FGFR1: variants seen among roughly 807,000 people sequenced by gnomAD.
FGFR1 encodes the protein fibroblast growth factor receptor 1.
Under a neutral mutation model 93.7 loss-of-function variants are expected in FGFR1, and 18 were observed. The ratio of observed to expected loss-of-function variants is 0.19; its 90% confidence interval spans 0.13 to 0.28. The LOEUF (loss-of-function observed/expected upper bound fraction) is 0.28. Among genes scored for constraint, FGFR1 ranks in the 10% least tolerant of loss-of-function variants. The pLI is 1.00. For synonymous variants in FGFR1, 448 were observed against 429.3 expected (o/e 1.04, Z -0.54); for missense variants, 731 against 1,080.4 (o/e 0.68, Z 4.53).
intron 12 of FGFR1, among the ~76,000 whole-genome samples, chr8:38,416,455 T>A (rs1586146932): frequency 7.2e-6 from 1 of 138,008 alleles, no homozygotes; most frequent in Non-Finnish European, 1.6e-5. Flanking sequence ...CTAATTTTTT[T>A]TTTTTTTTTT....
chr8:38,461,109 C>T (rs1834295905), intron 1 of FGFR1: 2 of 1,536,110 alleles, frequency 1.3e-6, no homozygotes. Flanking sequence ...GCCTCCATCA[C>T]AGGTGGTTAT....
At chr8:38,420,935 G>A (rs1004922716) in intron 8 of FGFR1, among the ~76,000 whole-genome samples, 6 of 152,160 alleles carry the variant, frequency 3.9e-5, no homozygotes, top group African/African-American at 1.4e-4. Context: ...TGGGGAGCAC[G>A]GACAGGACCA....
chr8:38,465,537 G>C (rs1225267068), intron 1 of FGFR1: 2 of 229,544 alleles, frequency 8.7e-6, no homozygotes, highest in African/African-American at 4.4e-5. Context: ...TGCACTCGGA[G>C]GGTCGGGGCA....
At chr8:38,453,476 G>A (rs900948564) in intron 2 of FGFR1, among the ~76,000 whole-genome samples, 2 of 152,204 alleles carry the variant, frequency 1.3e-5, no homozygotes, top group Non-Finnish European at 2.9e-5. Flanking sequence ...ACTTCCCCAA[G>A]AGCCAACAGT....
intron 2 of FGFR1, among the ~76,000 whole-genome samples, chr8:38,432,918 C>T (rs2915664): frequency 1.4e-5 from 2 of 140,812 alleles, no homozygotes; most frequent in Non-Finnish European, 3.2e-5. Context: ...GCCCCCCCCC[C>T]TCCCCAGTTG....
At chr8:38,462,730 A>G (rs547578973) in intron 1 of FGFR1, among the ~76,000 whole-genome samples, 7 of 151,502 alleles carry the variant, frequency 4.6e-5, no homozygotes, top group African/African-American at 1.7e-4. Context: ...CTGCCTCCCA[A>G]GTAGCTGGGA....
intron 2 of FGFR1, chr8:38,440,411 T>C: frequency 6.5e-7 from 1 of 1,531,468 alleles, no homozygotes; most frequent in South Asian, 1.2e-5. Flanking sequence ...CAAAAATGTG[T>C]TTCTCTCAAC....
At chr8:38,441,844 A>G (rs1032443403) in intron 2 of FGFR1, among the ~76,000 whole-genome samples, 1 of 152,136 alleles carries the variant, frequency 6.6e-6, no homozygotes, top group Non-Finnish European at 1.5e-5. Context: ...GTCAATTAAC[A>G]TTTCCTGAAC....
chr8:38,436,943 T>C (rs895527575), intron 2 of FGFR1, among the ~76,000 whole-genome samples: 23 of 152,186 alleles, frequency 1.5e-4, no homozygotes, highest in African/African-American at 5.1e-4. Context: ...AAGGCAGTTC[T>C]GGGATCTTGG....
At chr8:38,458,734 G>A (rs147720390) in intron 1 of FGFR1, 13 of 219,394 alleles carry the variant, frequency 5.9e-5, no homozygotes, top group Non-Finnish European at 1.0e-4. Context: ...TGAAGCAGCT[G>A]AAATAAATGA....
chr8:38,446,357 C>G (rs1056566811), intron 2 of FGFR1, among the ~76,000 whole-genome samples: 1 of 151,980 alleles, frequency 6.6e-6, no homozygotes, highest in Admixed American at 6.6e-5. Flanking sequence ...ATTACAGGCG[C>G]CCGCCACCAC....
chr8:38,452,228 C>G (rs936561636), intron 2 of FGFR1, among the ~76,000 whole-genome samples: 5 of 148,474 alleles, frequency 3.4e-5, no homozygotes, highest in African/African-American at 7.4e-5. Flanking sequence ...CACACACACA[C>G]ACACACACAC....
chr8:38,436,743 G>A (rs921468011), intron 2 of FGFR1, among the ~76,000 whole-genome samples: 1 of 152,064 alleles, frequency 6.6e-6, no homozygotes, highest in Admixed American at 6.6e-5. Context: ...GACAGAGGCA[G>A]GGGTGGGAGG....
At chr8:38,443,963 G>C (rs1368425697) in intron 2 of FGFR1, among the ~76,000 whole-genome samples, 1 of 142,178 alleles carries the variant, frequency 7.0e-6, no homozygotes, top group East Asian at 2.1e-4. Flanking sequence ...TGAGGCAGGA[G>C]AACTGCGTGA....
At chr8:38,434,345 T>A (rs1372339456) in intron 2 of FGFR1, 14 of 214,406 alleles carry the variant, frequency 6.5e-5, no homozygotes, top group South Asian at 2.7e-4. Flanking sequence ...TTTTTTTTTT[T>A]TATAACAACC....
chr8:38,419,984 C>A (rs1024801493), intron 8 of FGFR1: 41 of 519,644 alleles, frequency 7.9e-5, no homozygotes, highest in African/African-American at 7.6e-4. Context: ...GCTACACAAG[C>A]CCCATCTTCA....
intron 8 of FGFR1, chr8:38,420,443 CAA>C (rs1167365259): frequency 3.3e-5 from 5 of 152,288 alleles, no homozygotes; most frequent in African/African-American, 1.2e-4. Context: ...GTAGTTCTTT[CAA>C]ATTCTACTCA....
Position 38,448,981 on chromosome 8 carries a change from A to G in FGFR1, c.91+8375T>C, listed in dbSNP as rs1434085836. Among the ~76,000 whole-genome samples the G allele has an allele frequency of 2.0e-5, 3 of 152,116 alleles. No individual in the cohort carries two copies. In the East Asian group the frequency reaches 5.8e-4, roughly 29 times the overall value. On this transcript the variant is annotated intron_variant, in intron 2 of 17. Coordinates refer to ENST00000447712, the MANE Select transcript of FGFR1 (RefSeq NM_023110.3). ...AAAGGGCATGGTGGCTCATGCCTGTAATCCTAACACTTTAGGAGGCTGAGG... is the reference window on the plus strand; with the variant it reads ...AAAGGGCATGGTGGCTCATGCCTGTGATCCTAACACTTTAGGAGGCTGAGG...
chr8:38,457,686 G>C (rs1833238809), intron 1 of FGFR1, among the ~76,000 whole-genome samples, 152 bp from the exon 2 acceptor site: 1 of 152,164 alleles, frequency 6.6e-6, no homozygotes, highest in Admixed American at 6.6e-5. Flanking sequence ...CCCCAACAAT[G>C]AATTAGATCA....
Sources: gnomAD v4.1 joint callset for allele counts (sites outside exome capture counted in the v4.1 genomes callset) on GRCh38, gnomAD v4.1.1 for gene constraint, MANE v1.5 for transcripts, NCBI Gene and HGNC (gene_info 2026-07-23, HGNC 2026-07-21) for gene names.